The following OGDH variants were observed in gnomAD, a reference collection of about 807,000 sequenced individuals.
The protein encoded by OGDH is oxoglutarate dehydrogenase.
Under a neutral mutation model 116.6 loss-of-function variants are expected in OGDH, and 38 were observed. The observed-to-expected ratio is 0.33, with a 90% CI of 0.25 to 0.43. OGDH has a LOEUF of 0.43. Among genes scored for constraint, OGDH ranks in the 20% least tolerant of loss-of-function variants. The probability of loss-of-function intolerance (pLI) is 1.00; values close to 1 mark genes in which losing one functional copy is unlikely to be tolerated. For synonymous variants in OGDH, 488 were observed against 533.3 expected (o/e 0.92, Z 1.17); for missense variants, 825 against 1,357.2 (o/e 0.61, Z 6.16).
intron 2 of OGDH, among the ~76,000 whole-genome samples, chr7:44,626,200 CAGA>C (rs1323068176): frequency 6.7e-6 from 1 of 148,730 alleles, no homozygotes; most frequent in Non-Finnish European, 1.5e-5. Context: ...ACAAATTGCC[CAGA>C]AGAAGTGCTC....
chr7:44,671,485 C>T (rs370183037), intron 5 of OGDH, among the ~76,000 whole-genome samples: 4 of 152,148 alleles, frequency 2.6e-5, no homozygotes, highest in African/African-American at 4.8e-5. Context: ...CTTAAATAGC[C>T]GGGCGCGGTG....
intron 20 of OGDH, among the ~76,000 whole-genome samples, chr7:44,703,525 G>T (rs1204580052): frequency 6.6e-6 from 1 of 152,028 alleles, no homozygotes; most frequent in African/African-American, 2.4e-5. Context: ...TTTGAGACCA[G>T]CTTGACCAAT....
At chr7:44,671,530 G>A (rs970251076) in intron 5 of OGDH, among the ~76,000 whole-genome samples, 1 of 152,012 alleles carries the variant, frequency 6.6e-6, no homozygotes, top group African/African-American at 2.4e-5. Flanking sequence ...TTGTGAGGCC[G>A]AGGCGGGCGG....
intron 2 of OGDH, among the ~76,000 whole-genome samples, chr7:44,634,293 C>T (rs1014882055): frequency 6.6e-6 from 1 of 152,212 alleles, no homozygotes; most frequent in Non-Finnish European, 1.5e-5. Flanking sequence ...CTACTCCCCA[C>T]GCCATTACCT....
chr7:44,639,649 A>G (rs76484107), intron 2 of OGDH, among the ~76,000 whole-genome samples: 10,077 of 152,244 alleles, frequency 0.066, 424 homozygotes, highest in East Asian at 0.12. Context: ...AAAACCTTTT[A>G]GTATACCTCC....
chr7:44,701,357 G>A (rs1362758517), intron 19 of OGDH, among the ~76,000 whole-genome samples, 186 bp from the exon 20 acceptor site: 3 of 152,180 alleles, frequency 2.0e-5, no homozygotes, highest in Admixed American at 2.0e-4. Context: ...GAGGTGAACA[G>A]CAGGGAAATT....
At chr7:44,614,700 A>G (rs1784700926) in intron 1 of OGDH, among the ~76,000 whole-genome samples, 1 of 151,962 alleles carries the variant, frequency 6.6e-6, no homozygotes, top group African/African-American at 2.4e-5. Context: ...AAGCATGTTC[A>G]TAGTTGCTCG....
intron 2 of OGDH, among the ~76,000 whole-genome samples, chr7:44,640,807 G>C (rs1009936675): frequency 1.3e-5 from 2 of 152,124 alleles, no homozygotes; most frequent in Non-Finnish European, 2.9e-5. Flanking sequence ...AGCTAGACTT[G>C]GGGTGCGGGT....
At chr7:44,661,664 G>A (rs1290344490) in intron 4 of OGDH, among the ~76,000 whole-genome samples, 1 of 151,902 alleles carries the variant, frequency 6.6e-6, no homozygotes, top group Non-Finnish European at 1.5e-5. Flanking sequence ...GTGCAGGGGC[G>A]TGATCTTGGT....
At chr7:44,672,273 C>T (rs535762769) in intron 5 of OGDH, among the ~76,000 whole-genome samples, 211 of 152,190 alleles carry the variant, frequency 1.4e-3, no homozygotes, top group Middle Eastern at 6.8e-3. Context: ...ACAGGGATAG[C>T]CCACCCTCCT....
At chr7:44,662,400 T>G (rs543902696) in intron 4 of OGDH, among the ~76,000 whole-genome samples, 5 of 152,216 alleles carry the variant, frequency 3.3e-5, no homozygotes, top group South Asian at 4.2e-4. Context: ...TTAGACATAA[T>G]CCTTTTCCCT....
At chr7:44,627,136 A>T (rs183868294) in intron 2 of OGDH, among the ~76,000 whole-genome samples, 114 of 152,306 alleles carry the variant, frequency 7.5e-4, no homozygotes, top group African/African-American at 2.6e-3. Context: ...AGCTGGGATT[A>T]CAGGCCTGTG....
In OGDH at chr7:44,698,577, G is replaced by T. The variant is rs143035670; in HGVS notation, c.2430+314G>T. Reference sequence around the variant, plus strand: ...GGGATGCTTCCAGACCCTGATTCAGGTCTGGAAGCCCTGAGGAGGAGAGAA... The same window carrying T: ...GGGATGCTTCCAGACCCTGATTCAGTTCTGGAAGCCCTGAGGAGGAGAGAA... On this transcript the variant is annotated intron_variant, in intron 18 of 22. Coordinates refer to ENST00000222673, the MANE Select transcript of OGDH (RefSeq NM_002541.4). Among the ~76,000 whole-genome samples the T allele has an allele frequency of 6.0e-3, 906 of 152,234 alleles. 2 individuals are homozygous for T. Among genetic ancestry groups the T allele is most frequent in the Non-Finnish European group, 0.01 (698 of 68,000 alleles).
chr7:44,640,220 C>G (rs569552897), intron 2 of OGDH, among the ~76,000 whole-genome samples: 1 of 152,316 alleles, frequency 6.6e-6, no homozygotes, highest in East Asian at 1.9e-4. Context: ...GTAAGAGGCA[C>G]TGTTACTAGA....
Position 44,694,071 on chromosome 7 carries a change from C to A in OGDH, c.1515+67C>A. The A allele has an allele frequency of 6.7e-7, 1 of 1,500,790 alleles. No homozygotes were observed. Among genetic ancestry groups the A allele is most frequent in the Non-Finnish European group, 9.0e-7 (1 of 1,107,364 alleles). 93.0% of individuals were successfully genotyped at this position (1,500,790 alleles called of 1,614,324 possible). ...GACCCACCCCTCTTGCCCTCGGCAC[C>A]CCTGTGTCCCAAGGAGAGGAGCTTG... is the stretch of plus-strand genomic sequence containing the variant. On this transcript the variant is annotated intron_variant, in intron 11 of 22. Coordinates refer to ENST00000222673, the MANE Select transcript of OGDH (RefSeq NM_002541.4). This position sits in a 1 kb window ranked among gnomAD's most constrained non-coding sequence, Gnocchi z 4.2.
chr7:44,689,287 CT>C (rs1246630139), intron 10 of OGDH, among the ~76,000 whole-genome samples: 1 of 143,768 alleles, frequency 7.0e-6, no homozygotes, highest in East Asian at 2.0e-4. Context: ...ACAGTCTTAG[CT>C]CACTGCAACT....
At position 44,697,216 on chromosome 7, in the gene OGDH, T is replaced by C; in HGVS notation, c.2051+152T>C. ...TCTGTCCCTCATTTGCTATGGGTGCTTCTGTTAAGACCTGGGTGGGGCCGA... is the reference window on the plus strand; with the variant it reads ...TCTGTCCCTCATTTGCTATGGGTGCCTCTGTTAAGACCTGGGTGGGGCCGA... On this transcript the variant is annotated intron_variant, in intron 15 of 22. Coordinates refer to ENST00000222673, the MANE Select transcript of OGDH (RefSeq NM_002541.4). The surrounding 1 kb of genome is among the most constrained non-coding windows in gnomAD (Gnocchi z 6.0). The C allele has an allele frequency of 6.9e-7, 1 of 1,443,960 alleles. No individual in the cohort carries two copies. Among genetic ancestry groups the C allele is most frequent in the Non-Finnish European group, 9.4e-7 (1 of 1,059,982 alleles). 89.4% of individuals were successfully genotyped at this position (1,443,960 alleles called of 1,614,324 possible). A position where few individuals can be genotyped will look rare whatever the true frequency, so the allele number is the denominator to read the frequency against.
At chr7:44,695,216 G>A (rs1051951134) in intron 12 of OGDH, among the ~76,000 whole-genome samples, 3 of 151,952 alleles carry the variant, frequency 2.0e-5, no homozygotes, top group Non-Finnish European at 4.4e-5. Context: ...ATGTCTCAGC[G>A]TCCCAAGTAC....
chr7:44,694,372 C>T lies in OGDH; in HGVS notation c.1516-52C>T. 1 of 1,601,544 alleles carries T rather than the reference C, an allele frequency of 6.2e-7. No individual in the cohort carries two copies. The highest frequency in any genetic ancestry group is 8.5e-7 in the Non-Finnish European group (1 of 1,173,876). Reference sequence around the variant, plus strand: ...TGGGGCAGGTGCCTGAACAGCACTTCTTCCCAAGGGGCCAGCCCTTGTCTC... The same window carrying T: ...TGGGGCAGGTGCCTGAACAGCACTTTTTCCCAAGGGGCCAGCCCTTGTCTC... On this transcript the variant is annotated intron_variant, in intron 11 of 22. Coordinates refer to ENST00000222673, the MANE Select transcript of OGDH (RefSeq NM_002541.4). This position sits in a 1 kb window ranked among gnomAD's most constrained non-coding sequence, Gnocchi z 4.2.
Sources: allele counts gnomAD v4.1 joint callset (sites outside exome capture counted in the v4.1 genomes callset), GRCh38; gene constraint gnomAD v4.1.1; non-coding constraint Gnocchi (gnomAD v3.1); transcripts MANE v1.5; gene names NCBI Gene and HGNC (gene_info 2026-07-23, HGNC 2026-07-21).